The following SLC19A1 variants were observed in gnomAD, a reference collection of about 807,000 sequenced individuals.
The protein encoded by SLC19A1 is solute carrier family 19 member 1.
A neutral mutation model predicts 35.3 loss-of-function variants in SLC19A1; 37 were observed. The ratio of observed to expected loss-of-function variants is 1.05; its 90% CI spans 0.81 to 1.38. The LOEUF is 1.38. Among genes scored for constraint, SLC19A1 ranks in the 40% most tolerant of loss-of-function variants. SLC19A1 has a pLI of 0.00. For missense variants in SLC19A1, 831 were observed against 826.9 expected, an observed-to-expected ratio of 1.00 and a Z score of -0.06; for synonymous variants, 460 against 398.5, an observed-to-expected ratio of 1.15 and a Z score of -1.84.
intron 4 of SLC19A1, 87 bp from the exon 5 acceptor site, chr21:45,526,045 C>T (rs774410664): frequency 6.8e-7 from 1 of 1,463,666 alleles, no homozygotes; most frequent in African/African-American, 1.4e-5. Flanking sequence ...CTCCCACCAG[C>T]CCATGACCCG....
At chr21:45,542,327 C>G (rs1273957725) in intron 1 of SLC19A1, 41 bp downstream of exon 1, 1 of 151,734 alleles carries the variant, frequency 6.6e-6, no homozygotes, top group African/African-American at 2.4e-5. Flanking sequence ...CACCCCGCAG[C>G]CCCCGACACG....
At chr21:45,561,666 CAA>C (rs1229179216) in intron 1 of SLC19A1, among the ~76,000 whole-genome samples, 2 of 152,130 alleles carry the variant, frequency 1.3e-5, no homozygotes, top group African/African-American at 2.4e-5. Flanking sequence ...GAGTTTGAGA[CAA>C]GAGAATTGCT....
chr21:45,528,502 G>T (rs1418241651), intron 4 of SLC19A1, among the ~76,000 whole-genome samples: 2 of 152,094 alleles, frequency 1.3e-5, no homozygotes, highest in Non-Finnish European at 2.9e-5. Context: ...CCCGTCAGGG[G>T]CTCAGGGAGG....
intron 3 of SLC19A1, chr21:45,505,055 A>T: frequency 6.5e-7 from 1 of 1,541,332 alleles, no homozygotes; most frequent in Non-Finnish European, 8.8e-7. Context: ...GGGTCTTGGC[A>T]GCTGCAGCCC....
At chr21:45,510,984 A>AG, downstream of SLC19A1, 5 of 51,088 alleles carry the variant, frequency 9.8e-5, 1 homozygote, top group Non-Finnish European at 2.1e-4. Flanking sequence ...CACCCCCCAC[A>AG]CCCCACACAC....
At chr21:45,509,379 G>GC (rs1344008575), downstream of SLC19A1, 6 of 1,542,258 alleles carry the variant, frequency 3.9e-6, no homozygotes, top group East Asian at 2.4e-5. Context: ...CCGCCTTGCA[G>GC]CCCCCCGTGG....
At chr21:45,532,509 T>C (rs894534695) in intron 2 of SLC19A1, among the ~76,000 whole-genome samples, 15 of 152,184 alleles carry the variant, frequency 9.9e-5, no homozygotes, top group African/African-American at 2.7e-4. Flanking sequence ...TCTTAGCTCA[T>C]TGCAACCTCC....
At chr21:45,541,921 T>A (rs112870937) in intron 1 of SLC19A1, 4,621 of 152,324 alleles carry the variant, frequency 0.03, 145 homozygotes, top group Admixed American at 0.088. Context: ...CCCCACCCCA[T>A]TCGCAGGCTG....
chr21:45,537,683 G>C, intron 2 of SLC19A1, 88 bp downstream of exon 2: 2 of 1,118,822 alleles, frequency 1.8e-6, no homozygotes, highest in South Asian at 1.9e-5. Flanking sequence ...GGCCGCCCCC[G>C]CATCCCGGCG....
chr21:45,518,958 T>C (rs750222554), intron 5 of SLC19A1, among the ~76,000 whole-genome samples: 3 of 152,176 alleles, frequency 2.0e-5, no homozygotes, highest in Admixed American at 6.5e-5. Flanking sequence ...TAGGCAACAT[T>C]ATGGGTAAAT....
chr21:45,510,998 ACACACCCCCCCCCCACACATC>A, downstream of SLC19A1: 2 of 20,164 alleles, frequency 9.9e-5, no homozygotes, highest in Non-Finnish European at 2.1e-4. Context: ...CACACACACA[ACACACCCCCCCCCCACACATC>A]CACACCCCAC....
chr21:45,538,736 C>T (rs1021505298), intron 1 of SLC19A1, among the ~76,000 whole-genome samples: 2 of 152,198 alleles, frequency 1.3e-5, no homozygotes, highest in Non-Finnish European at 2.9e-5. Context: ...CCAGGGACCC[C>T]AGCATCCCCG....
intron 3 of SLC19A1, chr21:45,505,730 A>C: frequency 1.1e-6 from 1 of 946,834 alleles, no homozygotes; most frequent in Non-Finnish European, 1.6e-6. Context: ...ACACCTGTCC[A>C]AAGCCCTGCG....
chr21:45,512,479 C>G, downstream of SLC19A1: 1 of 1,362,048 alleles, frequency 7.3e-7, no homozygotes, highest in Non-Finnish European at 1.0e-6. Context: ...GGCCGGCCAG[C>G]CCCTGGCCCC....
At chr21:45,556,630 G>A (rs1188744558) in intron 1 of SLC19A1, among the ~76,000 whole-genome samples, 2 of 152,246 alleles carry the variant, frequency 1.3e-5, no homozygotes, top group Admixed American at 1.3e-4. Context: ...TGACACACCT[G>A]TCTGCAGCCA....
rs1407618900 is a variant in SLC19A1 at position 45,537,778 on chromosome 21, C to T, written c.182G>A (p.Arg61Gln). 7.3e-6 allele frequency: 11 copies of T among 1,500,044 alleles called. No homozygotes were observed. Among genetic ancestry groups the T allele is most frequent in the African/African-American group, 1.5e-5 (1 of 68,686 alleles). The allele number at this position is 1,500,044 out of a possible 1,614,324, so 92.9% of individuals were successfully genotyped here. ...YLLGPDKNFT[R>Q]EQVTNEITPV... ...ACCCCGGCACCCACATGCCTGCTCC[C>T]GCGTGAAGTTCTTGTCGGGCCCCAG... The change falls in exon 2 of 6, where the codon CGG becomes CAG. Residue 61 changes from arginine to glutamine, a missense_variant. Physicochemically the swap from Arg to Gln is conservative, Grantham distance 43 (BLOSUM62 1). Coordinates refer to ENST00000311124, the MANE Select transcript of SLC19A1 (RefSeq NM_194255.4).
intron 4 of SLC19A1, among the ~76,000 whole-genome samples, chr21:45,528,490 G>A (rs904182313): frequency 4.6e-5 from 7 of 152,086 alleles, no homozygotes; most frequent in African/African-American, 1.4e-4. Context: ...GAGCCCAGCC[G>A]GCCCGTCAGG....
Position 45,505,407 on chromosome 21 carries a change from T to C in SLC19A1, c.498-6795A>G, listed in dbSNP as rs2146083275. The C allele has an allele frequency of 1.9e-6, 3 of 1,572,958 alleles. No homozygotes were observed. In the South Asian group the frequency reaches 3.4e-5, roughly 18 times the overall value. On this transcript the variant is annotated intron_variant, in intron 3 of 4. Transcript: ENST00000417954. ...GCCCCCCTGGGCCCCCTGGGCCCCC[T>C]GGAACCATGGGCGCCTCCTCAGGGG...
intron 5 of SLC19A1, among the ~76,000 whole-genome samples, chr21:45,519,732 A>G (rs2077383975): frequency 6.6e-6 from 1 of 152,230 alleles, no homozygotes; most frequent in Non-Finnish European, 1.5e-5. Flanking sequence ...TATGTGAAGC[A>G]AAAACACAAC....
Sources: allele counts gnomAD v4.1 joint callset (sites outside exome capture counted in the v4.1 genomes callset), GRCh38; gene constraint gnomAD v4.1.1; transcripts MANE v1.5; gene names NCBI Gene and HGNC (gene_info 2026-07-23, HGNC 2026-07-21).